The following BMPER variants were observed in gnomAD, a reference collection of about 807,000 sequenced individuals.
BMPER encodes the protein BMP binding endothelial regulator.
BMPER carries 45 observed loss-of-function variants against 87.3 expected under a neutral mutation model. That is an observed-to-expected ratio of 0.52 (90% confidence interval 0.41 to 0.66). BMPER has a LOEUF of 0.66. Ranked by LOEUF, BMPER falls within the 30% of genes least tolerant of loss-of-function variation. The pLI is 0.00. For synonymous variants in BMPER, 326 were observed against 316.2 expected, an observed-to-expected ratio of 1.03 and a Z score of -0.33; for missense variants, 784 against 867.5, an observed-to-expected ratio of 0.90 and a Z score of 1.21.
intron 13 of BMPER, among the ~76,000 whole-genome samples, chr7:34,117,190 C>A (rs1335999222): frequency 6.6e-6 from 1 of 152,092 alleles, no homozygotes; most frequent in Non-Finnish European, 1.5e-5. Flanking sequence ...ATTTATAATA[C>A]AAAATGTTGG....
chr7:33,955,160 G>T (rs1169056353), intron 3 of BMPER, among the ~76,000 whole-genome samples: 3 of 152,164 alleles, frequency 2.0e-5, no homozygotes, highest in African/African-American at 7.2e-5. Flanking sequence ...GCCTCCCAAA[G>T]TGCTGGGATT....
At chr7:34,047,795 C>CTCCTTCCTTCCTTCA (rs1788016110) in intron 7 of BMPER, among the ~76,000 whole-genome samples, 1 of 33,454 alleles carries the variant, frequency 3.0e-5, no homozygotes, top group Non-Finnish European at 6.2e-5. Flanking sequence ...TCTTTCCTTC[C>CTCCTTCCTTCCTTCA]TTCCTTCCTT....
intron 3 of BMPER, among the ~76,000 whole-genome samples, chr7:33,958,815 T>C (rs1785205073): frequency 6.6e-6 from 1 of 152,200 alleles, no homozygotes; most frequent in East Asian, 1.9e-4. Flanking sequence ...ATGTGTTCTA[T>C]AGTGCTAATA....
intron 3 of BMPER, among the ~76,000 whole-genome samples, chr7:33,945,185 C>T (rs1290878622): frequency 6.6e-6 from 1 of 151,932 alleles, no homozygotes. Flanking sequence ...TCGTGATCCG[C>T]CCGCCTTGGC....
chr7:33,937,712 A>G (rs1172089189), intron 3 of BMPER, among the ~76,000 whole-genome samples: 1 of 68,044 alleles, frequency 1.5e-5, no homozygotes, highest in Non-Finnish European at 3.4e-5. Context: ...ACACACACAC[A>G]TGAGCATATT....
At chr7:34,075,451 CT>C in intron 11 of BMPER, among the ~76,000 whole-genome samples, 1 of 152,226 alleles carries the variant, frequency 6.6e-6, no homozygotes, top group South Asian at 2.1e-4. Flanking sequence ...CACTTCTGAT[CT>C]TTTTTACCCC....
chr7:33,942,083 T>C (rs1784782406), intron 3 of BMPER, among the ~76,000 whole-genome samples: 1 of 152,036 alleles, frequency 6.6e-6, no homozygotes, highest in African/African-American at 2.4e-5. Flanking sequence ...GTGAATCTAG[T>C]ATTATTCGTG....
intron 2 of BMPER, among the ~76,000 whole-genome samples, chr7:33,917,507 A>C (rs1175586714): frequency 2.0e-5 from 3 of 152,126 alleles, no homozygotes; most frequent in Non-Finnish European, 2.9e-5. Context: ...GGTTTCGTGC[A>C]GGTAACTCAG....
chr7:33,913,436 G>T (rs1277723956), intron 2 of BMPER, among the ~76,000 whole-genome samples: 2 of 128,066 alleles, frequency 1.6e-5, no homozygotes. Flanking sequence ...CTTTTGTACG[G>T]GATATACAGA....
chr7:33,997,025 G>A (rs1786432885), intron 6 of BMPER, among the ~76,000 whole-genome samples: 1 of 152,106 alleles, frequency 6.6e-6, no homozygotes, highest in African/African-American at 2.4e-5. Flanking sequence ...GAAGGAGCAG[G>A]TCTTATGTTC....
At chr7:33,936,803 C>A (rs1784613789) in intron 2 of BMPER, among the ~76,000 whole-genome samples, 1 of 152,176 alleles carries the variant, frequency 6.6e-6, no homozygotes, top group Non-Finnish European at 1.5e-5. Context: ...CAATATTCAA[C>A]TTTGTCATTA....
chr7:34,059,115 A>C (rs1181695316), intron 10 of BMPER, among the ~76,000 whole-genome samples: 1 of 152,186 alleles, frequency 6.6e-6, no homozygotes, highest in African/African-American at 2.4e-5. Context: ...AAGAAGATAC[A>C]ATAAGTAGAC....
At chr7:33,979,859 G>T (rs1785803687) in intron 6 of BMPER, among the ~76,000 whole-genome samples, 1 of 152,216 alleles carries the variant, frequency 6.6e-6, no homozygotes, top group Non-Finnish European at 1.5e-5. Context: ...GTGAAAATCT[G>T]TGTACTGATG....
intron 2 of BMPER, among the ~76,000 whole-genome samples, chr7:33,917,703 T>C (rs1284408811): frequency 2.6e-5 from 4 of 152,210 alleles, no homozygotes; most frequent in Non-Finnish European, 4.4e-5. Context: ...GATCATTGCA[T>C]TTTAACTTAT....
chr7:33,977,650 A>C (rs1284977072), intron 6 of BMPER, among the ~76,000 whole-genome samples: 1 of 152,182 alleles, frequency 6.6e-6, no homozygotes, highest in African/African-American at 2.4e-5. Context: ...ATAGAAAGAT[A>C]TATATAGAGA....
At chr7:33,905,841 G>GGGGC in intron 1 of BMPER, 95 bp downstream of exon 1, 2 of 584,016 alleles carry the variant, frequency 3.4e-6, no homozygotes, top group South Asian at 1.5e-5. Context: ...GGAGGGTGGG[G>GGGGC]AGCGCGCACC....
intron 2 of BMPER, chr7:33,921,965 C>CT (rs2128604815): frequency 2.5e-6 from 1 of 406,740 alleles, no homozygotes; most frequent in African/African-American, 2.1e-5. Flanking sequence ...AAGCTATTTC[C>CT]TTCGGCTGGC....
intron 13 of BMPER, among the ~76,000 whole-genome samples, chr7:34,098,848 A>C (rs1208599200): frequency 6.6e-6 from 1 of 152,216 alleles, no homozygotes; most frequent in Non-Finnish European, 1.5e-5. Context: ...ATACATAGCA[A>C]CTAAGGACTG....
At chr7:34,006,139 T>TA (rs1036067141) in intron 6 of BMPER, among the ~76,000 whole-genome samples, 10 of 151,836 alleles carry the variant, frequency 6.6e-5, no homozygotes, top group African/African-American at 1.2e-4. Flanking sequence ...CCACCCTTTG[T>TA]AAAAAAAATT....
Sources: gnomAD v4.1 joint callset for allele counts (sites outside exome capture counted in the v4.1 genomes callset) on GRCh38, gnomAD v4.1.1 for gene constraint, MANE v1.5 for transcripts, NCBI Gene and HGNC (gene_info 2026-07-23, HGNC 2026-07-21) for gene names.